Variants in PPFIA2 observed in about 807,000 individuals in gnomAD.
PPFIA2 encodes the protein PPFI scaffold protein A2.
Under a neutral mutation model 175.5 loss-of-function variants are expected in PPFIA2, and 46 were observed. The ratio of observed to expected loss-of-function variants is 0.26; its 90% CI spans 0.21 to 0.34. The LOEUF (loss-of-function observed/expected upper bound fraction) is 0.34, where lower values mean the gene tolerates loss of function less well. PPFIA2 is among the 10% of genes least tolerant of loss of function. The pLI, the probability that PPFIA2 is intolerant of heterozygous loss-of-function variation, is 1.00. For missense variants in PPFIA2, 1,179 were observed against 1,506.1 expected, an observed-to-expected ratio of 0.78 and a Z score of 3.60; for synonymous variants, 568 against 511.4, an observed-to-expected ratio of 1.11 and a Z score of -1.49.
intron 4 of PPFIA2, among the ~76,000 whole-genome samples, chr12:81,502,321 GA>G (rs1187063391): frequency 1.3e-5 from 2 of 152,148 alleles, no homozygotes; most frequent in Non-Finnish European, 2.9e-5. Flanking sequence ...TAAAACAAAG[GA>G]AAATTGGTTA....
intron 4 of PPFIA2, among the ~76,000 whole-genome samples, chr12:81,636,262 GAT>G (rs1491238019): frequency 8.0e-6 from 1 of 124,346 alleles, no homozygotes; most frequent in Non-Finnish European, 1.7e-5. Flanking sequence ...ATAACTCTCT[GAT>G]TTTTTTTTTT....
chr12:81,699,637 A>T (rs1364102494), intron 3 of PPFIA2, among the ~76,000 whole-genome samples: 1 of 151,926 alleles, frequency 6.6e-6, no homozygotes, highest in Admixed American at 6.6e-5. Flanking sequence ...AAAACAAATT[A>T]TTGCATTCTA....
At chr12:81,384,861 A>C (rs1258166392) in intron 8 of PPFIA2, among the ~76,000 whole-genome samples, 1 of 152,146 alleles carries the variant, frequency 6.6e-6, no homozygotes, top group African/African-American at 2.4e-5. Context: ...CACAGGAAGG[A>C]GGTTGAAAGG....
intron 4 of PPFIA2, among the ~76,000 whole-genome samples, chr12:81,477,478 G>A (rs899021249): frequency 6.6e-6 from 1 of 152,168 alleles, no homozygotes; most frequent in African/African-American, 2.4e-5. Flanking sequence ...CTGGTCTTGT[G>A]CCGGTCTTCA....
In PPFIA2 at chr12:81,267,794, C is replaced by A; in HGVS notation, c.3486+118G>T. 14 of 703,836 alleles carry A rather than the reference C, an allele frequency of 2.0e-5. No homozygotes were observed. In the East Asian group the frequency reaches 3.7e-4, roughly 18 times the overall value. The allele number at this position is 703,836 out of a possible 1,614,324, so 43.6% of individuals were successfully genotyped here. On this transcript the variant is annotated intron_variant, in intron 29 of 32. Coordinates refer to ENST00000549396, the MANE Select transcript of PPFIA2 (RefSeq NM_003625.5). ...AAATTAAAACCCCAGTGACATATTT[C>A]AAACATTGAGTTAACTTTCATTAAC... is the stretch of plus-strand genomic sequence containing the variant.
At chr12:81,679,715 A>T (rs2073246967) in intron 3 of PPFIA2, among the ~76,000 whole-genome samples, 1 of 151,944 alleles carries the variant, frequency 6.6e-6, no homozygotes, top group African/African-American at 2.4e-5. Flanking sequence ...ATTCAATTGT[A>T]AAAAAATGTT....
chr12:81,429,682 A>C (rs1305130437), intron 7 of PPFIA2, among the ~76,000 whole-genome samples: 1 of 152,070 alleles, frequency 6.6e-6, no homozygotes, highest in Non-Finnish European at 1.5e-5. Flanking sequence ...ATTTTATTCT[A>C]AGTGGCCAAA....
At chr12:81,480,236 C>T (rs1282994892) in intron 4 of PPFIA2, among the ~76,000 whole-genome samples, 1 of 151,960 alleles carries the variant, frequency 6.6e-6, no homozygotes, top group Non-Finnish European at 1.5e-5. Context: ...ATGAAGTACT[C>T]GTGTTGTGTT....
chr12:81,637,241 T>C (rs1393675291), intron 4 of PPFIA2, among the ~76,000 whole-genome samples: 114 of 3,314 alleles, frequency 0.034, no homozygotes, highest in African/African-American at 0.12. Flanking sequence ...GGCTAATTTT[T>C]TTTTTTTTTT....
At chr12:81,495,189 G>T (rs571842064) in intron 4 of PPFIA2, among the ~76,000 whole-genome samples, 1 of 151,944 alleles carries the variant, frequency 6.6e-6, no homozygotes, top group Admixed American at 6.6e-5. Context: ...TTTAGCAACT[G>T]TGCCTCCTCA....
intron 4 of PPFIA2, among the ~76,000 whole-genome samples, chr12:81,548,822 T>A (rs2067411048): frequency 6.6e-6 from 1 of 152,176 alleles, no homozygotes; most frequent in Non-Finnish European, 1.5e-5. Flanking sequence ...GTATGTTGAA[T>A]AAATGTTAAG....
intron 7 of PPFIA2, among the ~76,000 whole-genome samples, chr12:81,435,578 G>C (rs968271870): frequency 2.0e-5 from 3 of 152,018 alleles, no homozygotes; most frequent in African/African-American, 7.2e-5. Context: ...GGAGGAGAGA[G>C]AGAAAGAGAG....
rs1348783007 is a variant in PPFIA2, at chr12:81,555,019, T to C, written c.304-97153A>G. On this transcript the variant is annotated intron_variant, in intron 4 of 32. Transcript: ENST00000549396. ...AGTTTGTGATCAAATCTCAAAAAAG[T>C]TTATTGCATTTACAACAGCATTTTT... Among the ~76,000 whole-genome samples, 4 of 152,000 alleles carry C rather than the reference T, an allele frequency of 2.6e-5. No individual in the cohort carries two copies. The East Asian group carries it at 5.8e-4, about 22-fold the overall frequency.
intron 4 of PPFIA2, among the ~76,000 whole-genome samples, chr12:81,546,642 A>G (rs1006107047): frequency 7.9e-5 from 12 of 152,216 alleles, no homozygotes; most frequent in Non-Finnish European, 1.8e-4. Context: ...AAGTAAAAGC[A>G]TCTAATGAAT....
chr12:81,338,041 C>T (rs552810412), intron 21 of PPFIA2, among the ~76,000 whole-genome samples: 23 of 152,166 alleles, frequency 1.5e-4, no homozygotes, highest in African/African-American at 4.8e-4. Context: ...CTGTAGCTTC[C>T]GATGCTTTCT....
At chr12:81,440,813 G>GATATATATATATATATAT (rs142582712) in intron 6 of PPFIA2, among the ~76,000 whole-genome samples, 1 of 143,120 alleles carries the variant, frequency 7.0e-6, no homozygotes, top group African/African-American at 2.5e-5. Flanking sequence ...TATATGTCCT[G>GATATATATATATATATAT]ATATATATAT....
chr12:81,385,449 CCTAA>C (rs1410263041), intron 8 of PPFIA2, among the ~76,000 whole-genome samples: 2 of 152,106 alleles, frequency 1.3e-5, no homozygotes, highest in African/African-American at 4.8e-5. Context: ...ACGGAATCAA[CCTAA>C]CTAAGTGTCT....
intron 30 of PPFIA2, among the ~76,000 whole-genome samples, chr12:81,266,098 C>T (rs1190902630): frequency 1.3e-5 from 2 of 152,160 alleles, no homozygotes; most frequent in African/African-American, 4.8e-5. Flanking sequence ...GATTATCTGT[C>T]CTGCCTATTT....
At chr12:81,509,081 T>C (rs2061502438) in intron 4 of PPFIA2, among the ~76,000 whole-genome samples, 1 of 152,114 alleles carries the variant, frequency 6.6e-6, no homozygotes, top group Admixed American at 6.5e-5. Flanking sequence ...GAAATCATCA[T>C]TCTCAGTAAA....
Sources: allele counts gnomAD v4.1 joint callset (sites outside exome capture counted in the v4.1 genomes callset), GRCh38; gene constraint gnomAD v4.1.1; transcripts MANE v1.5; gene names NCBI Gene and HGNC (gene_info 2026-07-23, HGNC 2026-07-21).